The following UNC13C variants were observed in gnomAD, a reference collection of about 807,000 sequenced individuals.
UNC13C encodes the protein unc-13 homolog C.
In UNC13C, 174 loss-of-function variants were observed where a neutral mutation model predicts 245.4. The observed-to-expected ratio is 0.71, with a 90% confidence interval of 0.63 to 0.80. UNC13C has a LOEUF of 0.80. UNC13C is among the 30% of genes least tolerant of loss of function. The pLI is 0.00. For missense variants in UNC13C, 2,829 were observed against 2,602.9 expected (o/e 1.09, Z -1.89); for synonymous variants, 992 against 895.1 (o/e 1.11, Z -1.93).
intron 30 of UNC13C, among the ~76,000 whole-genome samples, chr15:54,570,995 G>C (rs868200472): frequency 6.6e-6 from 1 of 152,012 alleles, no homozygotes; most frequent in Non-Finnish European, 1.5e-5. Flanking sequence ...TGAAATAGAG[G>C]CATTTGGGTT....
At chr15:54,372,489 T>C (rs2039509649) in intron 17 of UNC13C, among the ~76,000 whole-genome samples, 1 of 152,160 alleles carries the variant, frequency 6.6e-6, no homozygotes, top group Non-Finnish European at 1.5e-5. Flanking sequence ...AACATCAGTC[T>C]CCAAAAATAA....
intron 13 of UNC13C, among the ~76,000 whole-genome samples, chr15:54,310,566 G>T (rs1010374886): frequency 4.0e-5 from 6 of 151,724 alleles, no homozygotes; most frequent in Admixed American, 3.3e-4. Flanking sequence ...GCATGTAAGG[G>T]TTAGATCTTC....
chr15:53,995,878 G>A lies in UNC13C; in HGVS notation c.-256-16770G>A, dbSNP rs567404763. 9.1e-4 allele frequency among the ~76,000 whole-genome samples: 139 copies of A among 152,306 alleles called. 4 individuals carry two copies. The South Asian group carries it at 0.026, about 28-fold the overall frequency. ...TGAGAGGTTGGAGATGAAAGGACTCGTGGAGAAGTAGAGAGAGAGAGGTTT... is the reference window on the plus strand; with the variant it reads ...TGAGAGGTTGGAGATGAAAGGACTCATGGAGAAGTAGAGAGAGAGAGGTTT... On this transcript the variant is annotated intron_variant, in intron 1 of 32. Transcript: ENST00000260323.
chr15:53,860,148 G>T, the UNC13C span, among the ~76,000 whole-genome samples: 1 of 152,080 alleles, frequency 6.6e-6, no homozygotes, highest in Admixed American at 6.6e-5. Context: ...TTGTTCAATT[G>T]TATTATATAG....
intron 10 of UNC13C, among the ~76,000 whole-genome samples, chr15:54,285,084 A>G (rs1337138488): frequency 6.6e-6 from 1 of 152,170 alleles, no homozygotes; most frequent in Admixed American, 6.6e-5. Flanking sequence ...GTCAACCCTT[A>G]AAAGCCAGTG....
chr15:54,294,223 C>CT (rs1348520931), intron 11 of UNC13C, among the ~76,000 whole-genome samples, 159 bp downstream of exon 11: 1 of 151,918 alleles, frequency 6.6e-6, no homozygotes, highest in Non-Finnish European at 1.5e-5. Flanking sequence ...AAAGGCTATT[C>CT]TTTTTTCAAT....
rs573973660 is a variant in UNC13C at position 54,180,647 on chromosome 15, C to T, written c.3071+36963C>T. 7.0e-4 allele frequency among the ~76,000 whole-genome samples: 106 copies of T among 152,148 alleles called. 1 individual carries two copies. The South Asian group carries it at 0.021, about 31-fold the overall frequency. The stretch of plus-strand genomic sequence containing the variant: ...TATAAGTGATCCCTTTTCTCTGCAT[C>T]CTCACCAGCATCTGTTGTTTTTGAC... On this transcript the variant is annotated intron_variant, in intron 4 of 32. Coordinates refer to ENST00000260323, the MANE Select transcript of UNC13C (RefSeq NM_001080534.3).
chr15:54,361,680 A>G (rs922608288), intron 17 of UNC13C, among the ~76,000 whole-genome samples: 32 of 152,244 alleles, frequency 2.1e-4, no homozygotes, highest in Non-Finnish European at 4.1e-4. Flanking sequence ...TTTGCTTCCG[A>G]TTCTGGGGAG....
intron 4 of UNC13C, among the ~76,000 whole-genome samples, chr15:54,173,652 C>T (rs539853465): frequency 6.6e-6 from 1 of 151,632 alleles, no homozygotes; most frequent in East Asian, 1.9e-4. Context: ...CCCTTGTTAT[C>T]CACAAATACA....
intron 24 of UNC13C, among the ~76,000 whole-genome samples, chr15:54,516,686 G>A (rs1894990766): frequency 6.6e-6 from 1 of 151,500 alleles, no homozygotes; most frequent in African/African-American, 2.4e-5. Context: ...TGTAATCCCA[G>A]CTACTCAGGA....
chr15:54,001,231 T>G (rs1595696746), intron 1 of UNC13C, among the ~76,000 whole-genome samples: 1 of 152,226 alleles, frequency 6.6e-6, no homozygotes, highest in East Asian at 1.9e-4. Context: ...GAGGCAAAAA[T>G]GAGGGATTAT....
intron 2 of UNC13C, among the ~76,000 whole-genome samples, chr15:54,026,619 CTTAATAG>C (rs1054157235): frequency 2.0e-5 from 3 of 152,240 alleles, no homozygotes; most frequent in African/African-American, 7.2e-5. Context: ...TTAAGAAATA[CTTAATAG>C]TTGATAATTA....
At chr15:54,333,681 C>G (rs1596238159) in intron 15 of UNC13C, 86 bp from the exon 16 acceptor site, 5 of 799,432 alleles carry the variant, frequency 6.3e-6, no homozygotes, top group East Asian at 5.4e-5. Context: ...TTTCCATTTT[C>G]TTTCATGAGA....
chr15:54,158,367 C>T (rs534390142), intron 4 of UNC13C, among the ~76,000 whole-genome samples: 4 of 151,918 alleles, frequency 2.6e-5, no homozygotes, highest in Admixed American at 6.6e-5. Context: ...TCACTCTTGT[C>T]GCCCAGGCTG....
At chr15:54,208,683 C>G (rs1250288207) in intron 4 of UNC13C, among the ~76,000 whole-genome samples, 1 of 151,966 alleles carries the variant, frequency 6.6e-6, no homozygotes. Context: ...AGTGCTGAGG[C>G]AGGGTAAATT....
chr15:54,049,344 T>C (rs994208559), intron 2 of UNC13C: 2 of 509,454 alleles, frequency 3.9e-6, no homozygotes, highest in Non-Finnish European at 7.8e-6. Flanking sequence ...TACTAACATC[T>C]ACAAGAAGAA....
chr15:54,494,796 C>A (rs1424078413), intron 20 of UNC13C, 62 bp downstream of exon 20: 1 of 1,565,304 alleles, frequency 6.4e-7, no homozygotes, highest in Non-Finnish European at 8.7e-7. Flanking sequence ...TAAAATTACA[C>A]CTGAATTGTG....
the UNC13C span, among the ~76,000 whole-genome samples, chr15:53,950,895 A>C: frequency 6.6e-6 from 1 of 152,312 alleles, no homozygotes; most frequent in East Asian, 1.9e-4. Context: ...TAATCCTAAA[A>C]GTTTCAGGTC....
intron 19 of UNC13C, among the ~76,000 whole-genome samples, chr15:54,477,739 A>G (rs1202467517): frequency 6.8e-6 from 1 of 146,218 alleles, no homozygotes; most frequent in Non-Finnish European, 1.5e-5. Context: ...TTTTGCATCA[A>G]TGTTCATCAA....
Sources: allele counts gnomAD v4.1 joint callset (sites outside exome capture counted in the v4.1 genomes callset), GRCh38; gene constraint gnomAD v4.1.1; transcripts MANE v1.5; gene names NCBI Gene and HGNC (gene_info 2026-07-23, HGNC 2026-07-21).